The following USP47 variants were observed in gnomAD, a reference collection of about 807,000 sequenced individuals.
The protein encoded by USP47 is ubiquitin carboxyl-terminal hydrolase 47.
USP47 carries 35 observed loss-of-function variants against 165.1 expected under a neutral mutation model. That is an observed-to-expected ratio of 0.21 (90% CI 0.16 to 0.28). USP47 has a LOEUF of 0.28. USP47 is among the 10% of genes least tolerant of loss of function. USP47 has a pLI of 1.00. For synonymous variants in USP47, 531 were observed against 544.5 expected (o/e 0.98, Z 0.35); for missense variants, 1,277 against 1,607.4 (o/e 0.79, Z 3.52).
intron 1 of USP47, 33 bp downstream of exon 1, chr11:11,842,257 C>T (rs1366339131): frequency 1.3e-6 from 2 of 1,548,714 alleles, no homozygotes; most frequent in Non-Finnish European, 1.7e-6. Flanking sequence ...AGGCCTTAGG[C>T]CTGCGGCCGC....
rs539320327 is a variant in USP47, at chr11:11,892,730, T to A, written c.496+624T>A. On this transcript the variant is annotated intron_variant, in intron 4 of 27. Coordinates refer to ENST00000527733, the MANE Select transcript of USP47 (RefSeq NM_001282659.2). The stretch of plus-strand genomic sequence containing the variant: ...CCTCAGGAGGCTTAGGTGGGAGGAT[T>A]GCTTGAGCCCAGGAGGTCTAGGTTG... Among the ~76,000 whole-genome samples the A allele has an allele frequency of 1.8e-3, 266 of 150,598 alleles. 1 individual carries two copies. The highest frequency in any genetic ancestry group is 3.3e-3 in the Non-Finnish European group (222 of 67,746).
Position 11,908,656 on chromosome 11 carries a change from G to T in USP47, c.969+3108G>T, listed in dbSNP as rs373007333. 3.3e-5 allele frequency among the ~76,000 whole-genome samples: 5 copies of T among 151,686 alleles called. No individual in the cohort carries two copies. In the East Asian group the frequency reaches 9.6e-4, roughly 29 times the overall value. The stretch of plus-strand genomic sequence containing the variant: ...TTATAATGAGTGCTGGGAGACTTCT[G>T]CAGTTTAAAAAATAAGCTCCCGTAA... On this transcript the variant is annotated intron_variant, in intron 8 of 27. Transcript: ENST00000527733.
In USP47 at chr11:11,842,221, A is replaced by T; in HGVS notation, c.36A>T (p.Lys12Asn). 3.2e-6 allele frequency: 5 copies of T among 1,553,366 alleles called. No individual in the cohort carries two copies. Among genetic ancestry groups the T allele is most frequent in the Non-Finnish European group, 4.4e-6 (5 of 1,147,586 alleles). The change falls in exon 1 of 28, where the codon AAA (lysine) becomes AAT (asparagine). Residue 12 changes from lysine (K) to asparagine (N), a missense_variant. Lys to Asn is a moderately conservative substitution (Grantham distance 94, BLOSUM62 0). Coordinates refer to ENST00000527733, the MANE Select transcript of USP47 (RefSeq NM_001282659.2). ...GCGAGGAGAACCAACTGGTCCCGAA[A>T]GAGGTGAGGGGCCCCAGAGGAGGTT... is the stretch of plus-strand genomic sequence containing the variant. ...VPGEENQLVP[K>N]EIENAAEEPR...
chr11:11,926,228 A>T (rs959297821), intron 11 of USP47, among the ~76,000 whole-genome samples: 7 of 152,094 alleles, frequency 4.6e-5, no homozygotes, highest in African/African-American at 1.7e-4. Flanking sequence ...TCTCCTTTTT[A>T]CTTTTTCAGA....
At chr11:11,948,151 G>A (rs1472074135) in intron 21 of USP47, 31 bp downstream of exon 21, 94 of 1,582,294 alleles carry the variant, frequency 5.9e-5, no homozygotes, top group Non-Finnish European at 8.0e-5. Flanking sequence ...AGTAGTTAGA[G>A]TCTATTTTAA....
In USP47 at chr11:11,942,392, T is replaced by G. The variant is rs2134784777; in HGVS notation, c.2371T>G (p.Leu791Val). ...DYQMAFADSH[L>V]WKLLDRHANT... is the part of the protein sequence containing the mutation. The stretch of plus-strand genomic sequence containing the variant: ...CCAGATGGCCTTTGCAGACTCTCAT[T>G]TATGGAAACTCCTGGATCGGCATGC... Residue 791 changes from leucine (L) to valine (V), a missense_variant, in exon 20 of 28, where the codon TTA becomes GTA. Physicochemically the swap from Leu to Val is conservative, Grantham distance 32 (BLOSUM62 1). Transcript: ENST00000527733. The G allele has an allele frequency of 6.2e-7, 1 of 1,613,262 alleles. No individual in the cohort carries two copies. The highest frequency in any genetic ancestry group is 1.3e-5 in the African/African-American group (1 of 74,970).
chr11:11,872,788 T>C (rs1850153430), intron 1 of USP47, among the ~76,000 whole-genome samples: 1 of 152,238 alleles, frequency 6.6e-6, no homozygotes, highest in Non-Finnish European at 1.5e-5. Context: ...AGTAATTCTT[T>C]CTTTGAGAAA....
intron 18 of USP47, among the ~76,000 whole-genome samples, chr11:11,939,841 T>C (rs1407705924): frequency 6.6e-6 from 1 of 152,002 alleles, no homozygotes; most frequent in East Asian, 1.9e-4. Context: ...CTGATGACCT[T>C]AGTTGCATTG....
intron 1 of USP47, among the ~76,000 whole-genome samples, chr11:11,855,159 G>T (rs1432622999): frequency 9.2e-5 from 14 of 151,822 alleles, no homozygotes; most frequent in Non-Finnish European, 1.5e-4. Flanking sequence ...AAAAGTAAAA[G>T]AAATTTTGAG....
At chr11:11,875,054 TG>T (rs1850312848) in intron 1 of USP47, among the ~76,000 whole-genome samples, 1 of 151,026 alleles carries the variant, frequency 6.6e-6, no homozygotes, top group Non-Finnish European at 1.5e-5. Context: ...TGTGTGTGTG[TG>T]TGTGTGTGTG....
intron 1 of USP47, among the ~76,000 whole-genome samples, chr11:11,853,385 A>C (rs1043432212): frequency 2.0e-5 from 3 of 152,192 alleles, no homozygotes; most frequent in Non-Finnish European, 4.4e-5. Flanking sequence ...CAGATTTTCA[A>C]ATCTAACATA....
chr11:11,929,186 T>C (rs951981016), intron 11 of USP47, among the ~76,000 whole-genome samples: 3 of 152,108 alleles, frequency 2.0e-5, no homozygotes, highest in Non-Finnish European at 2.9e-5. Context: ...TTTACAGATA[T>C]ATATGGTTTC....
chr11:11,867,666 G>T (rs371672221), intron 1 of USP47, among the ~76,000 whole-genome samples: 25 of 151,910 alleles, frequency 1.6e-4, no homozygotes, highest in African/African-American at 6.0e-4. Context: ...TTTATTCTTA[G>T]CTGACTCTCT....
chr11:11,895,004 A>T (rs80155939), intron 4 of USP47, among the ~76,000 whole-genome samples: 1 of 152,074 alleles, frequency 6.6e-6, no homozygotes, highest in African/African-American at 2.4e-5. Context: ...GTATTTTTTA[A>T]TGTTATTAAA....
chr11:11,844,467 T>TA (rs1848316861), intron 1 of USP47, among the ~76,000 whole-genome samples: 1 of 152,160 alleles, frequency 6.6e-6, no homozygotes, highest in South Asian at 2.1e-4. Flanking sequence ...ACTTTACAGT[T>TA]AAGGGAGTTA....
At chr11:11,895,438 T>G (rs975194382) in intron 4 of USP47, among the ~76,000 whole-genome samples, 1 of 152,206 alleles carries the variant, frequency 6.6e-6, no homozygotes, top group Non-Finnish European at 1.5e-5. Context: ...TCAGATAAAA[T>G]TATTTAATCA....
At position 11,930,321 on chromosome 11, in the gene USP47, A is replaced by G. The variant is rs1426312887; in HGVS notation, c.1595+201A>G. Among the ~76,000 whole-genome samples, 4 of 152,172 alleles carry G rather than the reference A, an allele frequency of 2.6e-5. No individual in the cohort carries two copies. In the East Asian group the frequency reaches 7.7e-4, roughly 29 times the overall value. On this transcript the variant is annotated intron_variant, in intron 13 of 27. Transcript: ENST00000527733. ...CTATATTATGTGTTAATGCTTTTAC[A>G]CTATAATAACATAGTTGAGTAGTTG...
Position 11,892,125 on chromosome 11 carries a change from T to TA in USP47, c.496+19_496+20insA. Reference sequence around the variant, plus strand: ...GAAACTGGTAAGATTTGTTGTATTTTCATAAAATCATAGGGCATTAGATCC... The same window carrying TA: ...GAAACTGGTAAGATTTGTTGTATTTTACATAAAATCATAGGGCATTAGATCC... On this transcript the variant is annotated intron_variant, in intron 4 of 27. Coordinates refer to ENST00000527733, the MANE Select transcript of USP47 (RefSeq NM_001282659.2). 1 of 1,607,622 alleles carries TA rather than the reference T, an allele frequency of 6.2e-7. No individual in the cohort carries two copies. Among genetic ancestry groups the TA allele is most frequent in the Non-Finnish European group, 8.5e-7 (1 of 1,176,866 alleles).
At chr11:11,930,016 C>CA (rs760370436) in intron 12 of USP47, 28 bp from the exon 13 acceptor site, 76 of 1,591,870 alleles carry the variant, frequency 4.8e-5, no homozygotes, top group Middle Eastern at 1.7e-4. Flanking sequence ...ATAGAATTTG[C>CA]AAAAAAAATC....
Sources: gnomAD v4.1 joint callset for allele counts (sites outside exome capture counted in the v4.1 genomes callset) on GRCh38, gnomAD v4.1.1 for gene constraint, MANE v1.5 for transcripts, NCBI Gene and HGNC (gene_info 2026-07-23, HGNC 2026-07-21) for gene names.